The following TASP1 variants were observed in gnomAD, a reference collection of about 807,000 sequenced individuals.
TASP1 encodes threonine aspartase 1.
TASP1 carries 16 observed loss-of-function variants against 56.6 expected under a neutral mutation model. The observed-to-expected ratio is 0.28, with a 90% CI of 0.19 to 0.43. The LOEUF (loss-of-function observed/expected upper bound fraction) is 0.43. Ranked by LOEUF, TASP1 falls within the 20% of genes least tolerant of loss-of-function variation. TASP1 has a pLI of 1.00. For synonymous variants in TASP1, 179 were observed against 184.2 expected (o/e 0.97, Z 0.23); for missense variants, 393 against 511.6 (o/e 0.77, Z 2.24).
chr20:13,125,881 TGC>T, the TASP1 span, among the ~76,000 whole-genome samples: 1 of 152,356 alleles, frequency 6.6e-6, no homozygotes, highest in South Asian at 2.1e-4. Context: ...TGGAAGCAAC[TGC>T]GAAGTTGGAT....
At chr20:13,633,384 T>A (rs1417531427) in intron 1 of TASP1, among the ~76,000 whole-genome samples, 1 of 152,182 alleles carries the variant, frequency 6.6e-6, no homozygotes, top group Admixed American at 6.5e-5. Context: ...GTTCACCCCC[T>A]TGAAACTTTC....
chr20:13,296,110 AT>A, the TASP1 span, among the ~76,000 whole-genome samples: 14 of 152,052 alleles, frequency 9.2e-5, no homozygotes, highest in Admixed American at 6.5e-5. Flanking sequence ...GCTTCCTTAG[AT>A]ATGCCTCATC....
chr20:13,347,116 A>G, the TASP1 span, among the ~76,000 whole-genome samples: 1 of 152,250 alleles, frequency 6.6e-6, no homozygotes, highest in Admixed American at 6.5e-5. Context: ...AACACTGTGT[A>G]CAGTACGATG....
chr20:13,437,626 A>G (rs1003409330), intron 11 of TASP1, among the ~76,000 whole-genome samples: 1 of 152,210 alleles, frequency 6.6e-6, no homozygotes, highest in Non-Finnish European at 1.5e-5. Context: ...TCTCAGCCCA[A>G]AATCTCCTTA....
intron 1 of TASP1, among the ~76,000 whole-genome samples, chr20:13,634,748 C>T (rs1436834040): frequency 7.5e-6 from 1 of 132,838 alleles, no homozygotes; most frequent in Non-Finnish European, 1.6e-5. Context: ...AAAAAAAAAG[C>T]CTGGGCTCAG....
chr20:13,616,836 T>C (rs2048540821), intron 4 of TASP1: 1 of 303,330 alleles, frequency 3.3e-6, no homozygotes, highest in Non-Finnish European at 6.5e-6. Context: ...AAAAAAGTGT[T>C]TTAAAAAGAG....
chr20:13,337,719 G>A, the TASP1 span, among the ~76,000 whole-genome samples: 1 of 152,200 alleles, frequency 6.6e-6, no homozygotes, highest in Non-Finnish European at 1.5e-5. Flanking sequence ...ACCTTTGACA[G>A]TTCTTGAGTG....
At chr20:13,117,446 A>G in the TASP1 span, 1 of 1,463,168 alleles carries the variant, frequency 6.8e-7, no homozygotes, top group South Asian at 1.4e-5. Flanking sequence ...TGATGGGGAA[A>G]CTGACAGAGC....
the TASP1 span, among the ~76,000 whole-genome samples, chr20:13,330,565 T>C: frequency 6.6e-6 from 1 of 152,314 alleles, no homozygotes; most frequent in South Asian, 2.1e-4. Context: ...CTTTATCTCC[T>C]AGAGGAGATC....
chr20:13,377,748 A>G, the TASP1 span, among the ~76,000 whole-genome samples: 3 of 152,134 alleles, frequency 2.0e-5, no homozygotes, highest in African/African-American at 7.2e-5. Flanking sequence ...CCTCAATTTC[A>G]GAACTTGTTA....
chr20:13,123,523 G>A, the TASP1 span, among the ~76,000 whole-genome samples: 54 of 152,218 alleles, frequency 3.5e-4, 1 homozygote, highest in East Asian at 6.8e-3. Flanking sequence ...ATGGTCACAC[G>A]GCAGTAAGTG....
the TASP1 span, among the ~76,000 whole-genome samples, chr20:13,250,675 G>C: frequency 1.3e-5 from 2 of 152,328 alleles, no homozygotes; most frequent in East Asian, 3.9e-4. Flanking sequence ...TGGATTGTAA[G>C]CTCCATGAGG....
intron 4 of TASP1, among the ~76,000 whole-genome samples, chr20:13,605,597 T>C (rs927673796): frequency 4.6e-5 from 7 of 152,014 alleles, no homozygotes; most frequent in African/African-American, 1.7e-4. Flanking sequence ...GGAGACTGCT[T>C]GAGCTCAGGA....
intron 4 of TASP1, among the ~76,000 whole-genome samples, chr20:13,589,293 C>T (rs1488678194): frequency 3.9e-5 from 6 of 151,928 alleles, no homozygotes; most frequent in Admixed American, 2.0e-4. Context: ...CTCCTGACCT[C>T]GTGATCCACC....
chr20:13,290,310 A>G, the TASP1 span, among the ~76,000 whole-genome samples: 1 of 152,146 alleles, frequency 6.6e-6, no homozygotes, highest in Non-Finnish European at 1.5e-5. Context: ...AGAGAAGAAT[A>G]TGAAGTAAAC....
the TASP1 span, chr20:13,168,452 G>C: frequency 6.6e-6 from 1 of 152,050 alleles, no homozygotes; most frequent in Non-Finnish European, 1.5e-5. Flanking sequence ...CAAAGTGCTG[G>C]GATTACAGGC....
intron 11 of TASP1, among the ~76,000 whole-genome samples, chr20:13,474,110 T>C (rs1006207595): frequency 2.6e-5 from 4 of 152,168 alleles, no homozygotes; most frequent in Non-Finnish European, 4.4e-5. Flanking sequence ...ATTTTAACTG[T>C]TAAGGTTTTG....
chr20:13,609,007 CA>C (rs1187021872), intron 4 of TASP1, among the ~76,000 whole-genome samples: 1 of 152,126 alleles, frequency 6.6e-6, no homozygotes, highest in Non-Finnish European at 1.5e-5. Flanking sequence ...ATTTATTTAT[CA>C]TTTTTTTGGA....
intron 10 of TASP1, among the ~76,000 whole-genome samples, chr20:13,524,353 AATT>A (rs796599241): frequency 7.2e-5 from 11 of 152,250 alleles, no homozygotes; most frequent in African/African-American, 2.6e-4. Context: ...GTTACTGAAA[AATT>A]ATGTGTGAAT....
Sources: allele counts gnomAD v4.1 joint callset (sites outside exome capture counted in the v4.1 genomes callset), GRCh38; gene constraint gnomAD v4.1.1; transcripts MANE v1.5; gene names NCBI Gene and HGNC (gene_info 2026-07-23, HGNC 2026-07-21).